The following TRMT61B variants were observed in gnomAD, a reference collection of about 807,000 sequenced individuals.
TRMT61B encodes tRNA (adenine(58)-N(1))-methyltransferase, mitochondrial.
A neutral mutation model predicts 52.0 loss-of-function variants in TRMT61B; 56 were observed. The ratio of observed to expected loss-of-function variants is 1.08; its 90% CI spans 0.87 to 1.35. The LOEUF (loss-of-function observed/expected upper bound fraction) is 1.35, where lower values mean the gene tolerates loss of function less well. TRMT61B is among the 40% of genes most tolerant of loss of function. The pLI is 0.00. For missense variants in TRMT61B, 650 were observed against 577.9 expected (o/e 1.12, Z -1.28); for synonymous variants, 206 against 220.0 (o/e 0.94, Z 0.56).
chr2:28,855,167 G>C (rs561647559), intron 3 of TRMT61B, among the ~76,000 whole-genome samples: 2 of 152,258 alleles, frequency 1.3e-5, no homozygotes, highest in South Asian at 4.1e-4. Flanking sequence ...AGATAAAAGG[G>C]GGCAAGTGGT....
intron 3 of TRMT61B, among the ~76,000 whole-genome samples, chr2:28,854,648 G>A (rs1377010217): frequency 6.7e-6 from 1 of 148,312 alleles, no homozygotes; most frequent in Non-Finnish European, 1.5e-5. Context: ...GCTGAGGCAG[G>A]AGAATAGCTT....
chr2:28,868,881 G>A (rs1669960796), intron 1 of TRMT61B, among the ~76,000 whole-genome samples: 1 of 152,170 alleles, frequency 6.6e-6, no homozygotes, highest in Non-Finnish European at 1.5e-5. Flanking sequence ...GTGCATGCCT[G>A]TAGTCCCAGG....
Position 28,852,312 on chromosome 2 carries a change from C to CAAAAA in TRMT61B, c.1085+91_1085+95dup, listed in dbSNP as rs575953261. The CAAAAA allele has an allele frequency of 3.7e-5, 11 of 300,094 alleles. No individual in the cohort carries two copies. The African/African-American group carries it at 3.7e-4, about 10-fold the overall frequency. The allele number at this position is 300,094 out of a possible 1,614,324, so 18.6% of individuals were successfully genotyped here. A position where few individuals can be genotyped will look rare whatever the true frequency, so the allele number is the denominator to read the frequency against. ...TGGGTGACAGAGTTTTTTTCTGTCT[C>CAAAAA]AAAAAAAAAAAAAAAAAAAAAAAAA... is the stretch of plus-strand genomic sequence containing the variant. On this transcript the variant is annotated intron_variant, in intron 4 of 6. Transcript: ENST00000306108.
intron 3 of TRMT61B, among the ~76,000 whole-genome samples, chr2:28,859,267 G>A (rs1669493935): frequency 6.6e-6 from 1 of 151,916 alleles, no homozygotes; most frequent in South Asian, 2.1e-4. Context: ...TTTTAGTAGA[G>A]ACGGGGTTTC....
intron 1 of TRMT61B, 33 bp downstream of exon 1, chr2:28,869,546 A>C: frequency 6.7e-7 from 1 of 1,502,666 alleles, no homozygotes; most frequent in African/African-American, 1.4e-5. Context: ...GCCCCTCCTG[A>C]AACCAATACA....
intron 3 of TRMT61B, among the ~76,000 whole-genome samples, chr2:28,858,190 G>A (rs985256118): frequency 2.6e-5 from 4 of 151,804 alleles, no homozygotes; most frequent in Admixed American, 2.6e-4. Flanking sequence ...ACAGGCACCC[G>A]CCACCAGGCC....
intron 3 of TRMT61B, among the ~76,000 whole-genome samples, chr2:28,853,704 T>G (rs1193583183): frequency 2.0e-5 from 3 of 152,040 alleles, no homozygotes; most frequent in Non-Finnish European, 4.4e-5. Flanking sequence ...GGTGTGGTGG[T>G]GCACACCTAT....
At chr2:28,862,482 G>C (rs1669650436) in intron 2 of TRMT61B, among the ~76,000 whole-genome samples, 1 of 150,538 alleles carries the variant, frequency 6.6e-6, no homozygotes, top group South Asian at 2.1e-4. Flanking sequence ...ACAGGTGTGT[G>C]CCACCACACC....
chr2:28,869,807 A>G lies in TRMT61B; in HGVS notation c.471T>C (p.Ile157=). 6.2e-7 allele frequency: 1 copy of G among 1,614,130 alleles called. No homozygotes were observed. ...TTTCTCCCTCCCCAGTCTCAGCTAA[A>G]ATCAGTTCCCCAGCCTGAAAGGGTC... ...RERPFQAGEL[I]LAETGEGETK... The change falls in exon 1 of 7, where the codon ATT becomes ATC. Residue 157 remains isoleucine (I), a synonymous_variant. Transcript: ENST00000306108.
intron 3 of TRMT61B, among the ~76,000 whole-genome samples, chr2:28,853,813 G>A (rs367775039): frequency 1.3e-5 from 2 of 149,294 alleles, no homozygotes; most frequent in Non-Finnish European, 3.0e-5. Flanking sequence ...TCAAGCCTGG[G>A]TGACAGAGTG....
At chr2:28,854,873 TTG>T (rs559103975) in intron 3 of TRMT61B, among the ~76,000 whole-genome samples, 10 of 151,778 alleles carry the variant, frequency 6.6e-5, no homozygotes, top group East Asian at 5.8e-4. Context: ...TGAGCTGTGA[TTG>T]TGTCACTGCA....
chr2:28,869,542 C>A (rs750290445), intron 1 of TRMT61B, 37 bp downstream of exon 1: 1 of 1,476,898 alleles, frequency 6.8e-7, no homozygotes, highest in Admixed American at 1.8e-5. Flanking sequence ...CTTTGCCCCT[C>A]CTGAAACCAA....
In TRMT61B at chr2:28,856,783, C is replaced by T. The variant is rs138047950; in HGVS notation, c.994-4284G>A. Among the ~76,000 whole-genome samples the T allele has an allele frequency of 6.6e-3, 999 of 151,968 alleles. 8 individuals are homozygous for T. Among genetic ancestry groups the T allele is most frequent in the African/African-American group, 0.023 (952 of 41,458 alleles). On this transcript the variant is annotated intron_variant, in intron 3 of 6. Coordinates refer to ENST00000306108, the MANE Select transcript of TRMT61B (RefSeq NM_017910.4). The stretch of plus-strand genomic sequence containing the variant: ...CCGAGTAGCTGGGATTACAGGCATG[C>T]GCCACCACACCCAACTAATTTTTTT...
intron 3 of TRMT61B, among the ~76,000 whole-genome samples, chr2:28,856,011 C>A (rs1384001795): frequency 6.6e-6 from 1 of 151,994 alleles, no homozygotes; most frequent in Non-Finnish European, 1.5e-5. Flanking sequence ...GTCAAGATTT[C>A]AATGACAATC....
intron 2 of TRMT61B, among the ~76,000 whole-genome samples, chr2:28,863,430 C>CAAA (rs61373068): frequency 8.6e-4 from 103 of 119,580 alleles, no homozygotes; most frequent in Middle Eastern, 4.7e-3. Context: ...GAACCCGCCT[C>CAAA]AAAAAAAAAA....
intron 4 of TRMT61B, 116 bp from the exon 5 acceptor site, chr2:28,851,414 G>A: frequency 1.4e-6 from 1 of 693,254 alleles, no homozygotes; most frequent in Non-Finnish European, 2.2e-6. Flanking sequence ...GGCAGGAGAG[G>A]GTTTAAATAT....
intron 3 of TRMT61B, among the ~76,000 whole-genome samples, chr2:28,856,294 T>C (rs892350450): frequency 1.3e-5 from 2 of 152,240 alleles, no homozygotes; most frequent in Non-Finnish European, 2.9e-5. Flanking sequence ...CTCACAAATC[T>C]ACCTCCAGTG....
intron 3 of TRMT61B, among the ~76,000 whole-genome samples, chr2:28,855,251 G>A (rs1228263761): frequency 6.6e-6 from 1 of 152,170 alleles, no homozygotes; most frequent in African/African-American, 2.4e-5. Context: ...CAATTGAGAA[G>A]CCACTGAAGA....
At chr2:28,857,036 C>G (rs546602109) in intron 3 of TRMT61B, among the ~76,000 whole-genome samples, 3 of 151,410 alleles carry the variant, frequency 2.0e-5, no homozygotes, top group African/African-American at 4.9e-5. Context: ...TGGGTTCCAG[C>G]GATCCTCCTA....
Sources: gnomAD v4.1 joint callset for allele counts (sites outside exome capture counted in the v4.1 genomes callset) on GRCh38, gnomAD v4.1.1 for gene constraint, MANE v1.5 for transcripts, NCBI Gene and HGNC (gene_info 2026-07-23, HGNC 2026-07-21) for gene names.